DOCK3: variants seen among roughly 807,000 people sequenced by gnomAD.
The protein encoded by DOCK3 is dedicator of cytokinesis 3.
A neutral mutation model predicts 265.6 loss-of-function variants in DOCK3; 60 were observed. That is an observed-to-expected ratio of 0.23 (90% confidence interval 0.18 to 0.28). DOCK3 has a LOEUF of 0.28. Ranked by LOEUF, DOCK3 falls within the 10% of genes least tolerant of loss-of-function variation. The pLI is 1.00. For synonymous variants in DOCK3, 881 were observed against 938.0 expected (o/e 0.94, Z 1.11); for missense variants, 1,981 against 2,594.3 (o/e 0.76, Z 5.14).
At chr3:50,968,306 A>G (rs1012903633) in intron 5 of DOCK3, among the ~76,000 whole-genome samples, 9 of 152,102 alleles carry the variant, frequency 5.9e-5, no homozygotes, top group South Asian at 2.1e-4. Flanking sequence ...AGCTGAGGCT[A>G]CAGGCACACA....
At chr3:51,122,355 C>T (rs759093555) in intron 9 of DOCK3, among the ~76,000 whole-genome samples, 3 of 152,110 alleles carry the variant, frequency 2.0e-5, no homozygotes, top group Non-Finnish European at 4.4e-5. Flanking sequence ...TGGTGTGCAC[C>T]TGTAGTCCTA....
intron 29 of DOCK3, 38 bp downstream of exon 29, chr3:51,312,117 T>A: frequency 1.3e-6 from 2 of 1,543,456 alleles, no homozygotes; most frequent in Non-Finnish European, 1.8e-6. Flanking sequence ...ATTATTGCAA[T>A]AACCTTAGAA....
intron 2 of DOCK3, among the ~76,000 whole-genome samples, chr3:50,838,068 C>T (rs1449360011): frequency 6.6e-6 from 1 of 152,132 alleles, no homozygotes; most frequent in African/African-American, 2.4e-5. Context: ...AGTTAATACC[C>T]AAACCATTTC....
At chr3:51,097,777 C>A (rs763652777) in intron 9 of DOCK3, among the ~76,000 whole-genome samples, 11 of 152,202 alleles carry the variant, frequency 7.2e-5, no homozygotes, top group Non-Finnish European at 1.5e-4. Context: ...CTATGAGTTG[C>A]GAAGACCGTG....
At chr3:50,852,876 G>A (rs1405792849) in intron 3 of DOCK3, among the ~76,000 whole-genome samples, 2 of 151,914 alleles carry the variant, frequency 1.3e-5, no homozygotes, top group African/African-American at 2.4e-5. Flanking sequence ...TTGTCTCCTG[G>A]CTTTACAGTA....
chr3:51,317,884 T>G (rs902497002), intron 32 of DOCK3, among the ~76,000 whole-genome samples: 1 of 152,194 alleles, frequency 6.6e-6, no homozygotes, highest in African/African-American at 2.4e-5. Context: ...CTTTCATCAA[T>G]ACCACGCTAT....
intron 9 of DOCK3, among the ~76,000 whole-genome samples, chr3:51,120,857 G>A (rs532242198): frequency 6.6e-5 from 10 of 152,254 alleles, no homozygotes; most frequent in South Asian, 2.1e-4. Flanking sequence ...AGACTTGTGC[G>A]CTGGCAGCAA....
intron 2 of DOCK3, among the ~76,000 whole-genome samples, chr3:50,809,964 A>T (rs1280184764): frequency 2.0e-5 from 3 of 151,964 alleles, no homozygotes; most frequent in Non-Finnish European, 4.4e-5. Context: ...ACATAGCGAG[A>T]TCTTGTCTCT....
At chr3:51,227,491 A>T (rs936024446) in intron 16 of DOCK3, 46 bp downstream of exon 16, 1 of 1,608,816 alleles carries the variant, frequency 6.2e-7, no homozygotes, top group East Asian at 2.2e-5. Flanking sequence ...GAATATAAAT[A>T]TAACTCTCTC....
Position 50,778,726 on chromosome 3 carries a change from G to T in DOCK3, c.89G>T (p.Gly30Val). 6.3e-7 allele frequency: 1 copy of T among 1,587,542 alleles called. No individual in the cohort carries two copies. Among genetic ancestry groups the T allele is most frequent in the Non-Finnish European group, 8.6e-7 (1 of 1,165,866 alleles). Residue 30 changes from glycine (G) to valine (V), a missense_variant, in exon 2 of 53, where the codon GGA becomes GTA. Around this residue, in one of 4 missense-constraint regions of DOCK3, gnomAD observed 456 missense variants for 539.0 expected, o/e 0.85. Transcript: ENST00000266037. ...CCTCAAGGGTTGGTCTTAGAAATAG[G>T]AGAAACAGTCCAGATTCTTGAAAAA... is the stretch of plus-strand genomic sequence containing the variant. Reference protein sequence around the residue: ...SVPQGLVLEIGETVQILEKCE... With the variant: ...SVPQGLVLEIVETVQILEKCE...
At chr3:51,343,357 A>G (rs2110110682) in intron 38 of DOCK3, among the ~76,000 whole-genome samples, 1 of 152,296 alleles carries the variant, frequency 6.6e-6, no homozygotes, top group African/African-American at 2.4e-5. Context: ...GGCCCCATGT[A>G]GGGCTAAAGA....
intron 5 of DOCK3, among the ~76,000 whole-genome samples, chr3:51,012,795 G>C (rs1238779450): frequency 1.3e-5 from 2 of 152,154 alleles, no homozygotes; most frequent in African/African-American, 4.8e-5. Flanking sequence ...GAATCGCCCA[G>C]ATTTGGTCTT....
chr3:50,714,033 G>A (rs996426707), intron 1 of DOCK3, among the ~76,000 whole-genome samples: 1 of 151,770 alleles, frequency 6.6e-6, no homozygotes, highest in African/African-American at 2.4e-5. Flanking sequence ...GCCCAGGATG[G>A]AGTGCAGAGG....
chr3:50,827,356 A>G (rs2044824882), intron 2 of DOCK3, among the ~76,000 whole-genome samples: 1 of 152,186 alleles, frequency 6.6e-6, no homozygotes, highest in Non-Finnish European at 1.5e-5. Context: ...TTTAATGCCT[A>G]GTAAGAGCAT....
At chr3:50,767,713 A>G (rs1391451828) in intron 1 of DOCK3, among the ~76,000 whole-genome samples, 1 of 152,162 alleles carries the variant, frequency 6.6e-6, no homozygotes, top group Non-Finnish European at 1.5e-5. Context: ...CTTGGGCAAT[A>G]TGGCCATTTT....
chr3:51,010,355 C>T (rs368161624), intron 5 of DOCK3, among the ~76,000 whole-genome samples: 1 of 152,098 alleles, frequency 6.6e-6, no homozygotes, highest in Non-Finnish European at 1.5e-5. Flanking sequence ...GTGAATTGAT[C>T]CCTTTACCAT....
chr3:50,779,367 AT>A (rs1353979070), intron 2 of DOCK3, among the ~76,000 whole-genome samples: 2 of 151,746 alleles, frequency 1.3e-5, no homozygotes, highest in Admixed American at 1.3e-4. Context: ...AGGTCCTCAA[AT>A]TTTTTTTAAT....
intron 4 of DOCK3, among the ~76,000 whole-genome samples, chr3:50,928,185 G>T (rs1247596216): frequency 6.7e-6 from 1 of 150,200 alleles, no homozygotes; most frequent in African/African-American, 2.4e-5. Context: ...CTCTTTAAGT[G>T]TACAATCCAG....
chr3:50,864,399 G>A (rs1044830604), intron 3 of DOCK3, among the ~76,000 whole-genome samples: 2 of 152,022 alleles, frequency 1.3e-5, no homozygotes, highest in African/African-American at 4.8e-5. Flanking sequence ...TCTGTAGGTT[G>A]TCTCTTCACT....
Sources: gnomAD v4.1 joint callset for allele counts (sites outside exome capture counted in the v4.1 genomes callset) on GRCh38, gnomAD v4.1.1 for gene constraint, gnomAD v4.1.1 regional missense constraint, MANE v1.5 for transcripts, NCBI Gene and HGNC (gene_info 2026-07-23, HGNC 2026-07-21) for gene names.